SUGCT: variants seen among roughly 807,000 people sequenced by gnomAD.
The protein encoded by SUGCT is succinyl-CoA:glutarate-CoA transferase, also known as succinyl-CoA:glutarate CoA-transferase.
Under a neutral mutation model 55.0 loss-of-function variants are expected in SUGCT, and 41 were observed. The observed-to-expected ratio is 0.74, with a 90% CI of 0.58 to 0.97. The LOEUF is 0.97. Among genes scored for constraint, SUGCT ranks in the 50% least tolerant of loss-of-function variants. The pLI is 0.00. For synonymous variants in SUGCT, 187 were observed against 200.4 expected, an observed-to-expected ratio of 0.93 and a Z score of 0.56; for missense variants, 568 against 547.8, an observed-to-expected ratio of 1.04 and a Z score of -0.37.
chr7:40,498,264 G>A (rs564096566), intron 12 of SUGCT, among the ~76,000 whole-genome samples: 139 of 152,252 alleles, frequency 9.1e-4, no homozygotes, highest in Non-Finnish European at 1.6e-3. Flanking sequence ...ATCTAACTGT[G>A]ATGACTTAGT....
At chr7:40,350,841 T>A (rs1193084575) in intron 9 of SUGCT, among the ~76,000 whole-genome samples, 3 of 149,204 alleles carry the variant, frequency 2.0e-5, no homozygotes, top group Non-Finnish European at 4.5e-5. Flanking sequence ...CCTGTGTCCA[T>A]GTGTTTTCAT....
chr7:40,492,669 C>G (rs1004332074), intron 11 of SUGCT, among the ~76,000 whole-genome samples: 1 of 152,216 alleles, frequency 6.6e-6, no homozygotes, highest in Non-Finnish European at 1.5e-5. Flanking sequence ...GAGCCTTTCT[C>G]TCATCTTTCA....
At chr7:40,713,711 C>T (rs1350949377) in intron 12 of SUGCT, among the ~76,000 whole-genome samples, 2 of 152,176 alleles carry the variant, frequency 1.3e-5, no homozygotes, top group Non-Finnish European at 2.9e-5. Context: ...TCTGCACTTA[C>T]ACATCTAGCT....
At chr7:40,370,014 C>G (rs1784210409) in intron 9 of SUGCT, among the ~76,000 whole-genome samples, 1 of 152,086 alleles carries the variant, frequency 6.6e-6, no homozygotes, top group Non-Finnish European at 1.5e-5. Flanking sequence ...GATATTGCAG[C>G]TACTTTGTAT....
chr7:40,203,829 T>G (rs1047700371), intron 6 of SUGCT, among the ~76,000 whole-genome samples: 7 of 152,040 alleles, frequency 4.6e-5, no homozygotes, highest in Admixed American at 2.0e-4. Context: ...ATAAACATAT[T>G]TTGGCTAATG....
intron 12 of SUGCT, among the ~76,000 whole-genome samples, chr7:40,741,792 C>G (rs779944800): frequency 2.0e-5 from 3 of 152,082 alleles, no homozygotes; most frequent in Admixed American, 6.6e-5. Flanking sequence ...GGGTGAATCT[C>G]AGAAACAATG....
intron 11 of SUGCT, among the ~76,000 whole-genome samples, chr7:40,472,135 A>G (rs988638081): frequency 3.3e-5 from 5 of 152,260 alleles, no homozygotes; most frequent in Middle Eastern, 3.4e-3. Flanking sequence ...ATAGAGCCTT[A>G]AAGTGTCATT....
intron 1 of SUGCT, among the ~76,000 whole-genome samples, chr7:40,179,250 CTT>C (rs1035236810): frequency 2.0e-5 from 3 of 151,872 alleles, no homozygotes; most frequent in Non-Finnish European, 4.4e-5. Context: ...TAAAACAAGA[CTT>C]TATTTTTTTC....
intron 9 of SUGCT, among the ~76,000 whole-genome samples, chr7:40,334,299 A>T (rs1796546887): frequency 6.6e-6 from 1 of 152,140 alleles, no homozygotes; most frequent in Admixed American, 6.5e-5. Context: ...TGGTATTTCT[A>T]GTTCTAGATC....
the SUGCT span, among the ~76,000 whole-genome samples, chr7:40,962,036 T>A: frequency 6.6e-6 from 1 of 152,102 alleles, no homozygotes; most frequent in Non-Finnish European, 1.5e-5. Flanking sequence ...GGTGGCCTGC[T>A]TTTATTCCCT....
chr7:40,655,642 C>T (rs747464730), intron 12 of SUGCT, among the ~76,000 whole-genome samples: 2 of 152,090 alleles, frequency 1.3e-5, no homozygotes, highest in African/African-American at 4.8e-5. Context: ...TACAGAGGGT[C>T]AAGATGATCA....
chr7:40,906,113 CTGT>C, the SUGCT span, among the ~76,000 whole-genome samples: 1 of 151,840 alleles, frequency 6.6e-6, no homozygotes, highest in Non-Finnish European at 1.5e-5. Flanking sequence ...ATTTCCAGAG[CTGT>C]TTTTTGTTTT....
chr7:40,846,182 C>G (rs1177213120), intron 13 of SUGCT, among the ~76,000 whole-genome samples: 1 of 152,056 alleles, frequency 6.6e-6, no homozygotes, highest in Non-Finnish European at 1.5e-5. Context: ...TTTTGTTTTC[C>G]ATGGTGAAAT....
the SUGCT span, among the ~76,000 whole-genome samples, chr7:41,029,107 C>T: frequency 6.6e-6 from 1 of 152,278 alleles, no homozygotes; most frequent in East Asian, 1.9e-4. Context: ...CCCTGATGTC[C>T]TCAGTGATGT....
chr7:40,598,035 T>C (rs1245228821), intron 12 of SUGCT, among the ~76,000 whole-genome samples: 1 of 152,196 alleles, frequency 6.6e-6, no homozygotes, highest in Non-Finnish European at 1.5e-5. Flanking sequence ...TTCTGCCTTT[T>C]CTCCATCTCT....
chr7:40,438,943 A>C lies in SUGCT; in HGVS notation c.817-10344A>C, dbSNP rs371868263. ...CCTTTCTTGTGGGACCAAGTACAGTAGTAATTATATAATAATTATAATATA... is the reference window on the plus strand; with the variant it reads ...CCTTTCTTGTGGGACCAAGTACAGTCGTAATTATATAATAATTATAATATA... On this transcript the variant is annotated intron_variant, in intron 9 of 13. Transcript: ENST00000335693. Among the ~76,000 whole-genome samples, 54 of 149,680 alleles carry C rather than the reference A, an allele frequency of 3.6e-4. No individual in the cohort carries two copies. In the East Asian group the frequency reaches 0.01, roughly 29 times the overall value.
chr7:40,675,064 T>G (rs1783895710), intron 12 of SUGCT, among the ~76,000 whole-genome samples: 2 of 146,184 alleles, frequency 1.4e-5, no homozygotes, highest in African/African-American at 5.0e-5. Flanking sequence ...TCTAAAATCT[T>G]TTTTTTTTTT....
intron 9 of SUGCT, among the ~76,000 whole-genome samples, chr7:40,414,877 T>C (rs1248240572): frequency 6.6e-6 from 1 of 151,916 alleles, no homozygotes; most frequent in African/African-American, 2.4e-5. Flanking sequence ...ATCCCGTCTC[T>C]ACTACAAATA....
At chr7:40,162,821 T>G (rs896677049) in intron 1 of SUGCT, among the ~76,000 whole-genome samples, 1 of 152,108 alleles carries the variant, frequency 6.6e-6, no homozygotes, top group African/African-American at 2.4e-5. Flanking sequence ...AATTTGAAGA[T>G]TGCCACTAAA....
Sources: gnomAD v4.1 joint callset for allele counts (sites outside exome capture counted in the v4.1 genomes callset) on GRCh38, gnomAD v4.1.1 for gene constraint, MANE v1.5 for transcripts, NCBI Gene and HGNC (gene_info 2026-07-23, HGNC 2026-07-21) for gene names.